PPP2R3B: variants seen among roughly 807,000 people sequenced by gnomAD.
PPP2R3B encodes the protein serine/threonine-protein phosphatase 2A regulatory subunit B'' subunit beta.
A neutral mutation model predicts 72.9 loss-of-function variants in PPP2R3B; 68 were observed. That is an observed-to-expected ratio of 0.93 (90% confidence interval 0.77 to 1.14). PPP2R3B has a LOEUF of 1.14. Ranked by LOEUF, PPP2R3B falls within the 50% of genes most tolerant of loss-of-function variation. PPP2R3B has a pLI of 0.00. For missense variants in PPP2R3B, 1,018 were observed against 842.0 expected, an observed-to-expected ratio of 1.21 and a Z score of -2.59; for synonymous variants, 466 against 375.8, an observed-to-expected ratio of 1.24 and a Z score of -2.78.
At chrX:346,823 C>CGTGAGGT (rs932880516) in intron 4 of PPP2R3B, 48 bp from the exon 5 acceptor site, 9 of 1,555,518 alleles carry the variant, frequency 5.8e-6, no homozygotes, top group Non-Finnish European at 7.9e-6. Flanking sequence ...CCGGCCCTCC[C>CGTGAGGT]GTGAGGTGTG....
At chrX:360,688 A>G (rs1033711290) in intron 2 of PPP2R3B, among the ~76,000 whole-genome samples, 6 of 152,084 alleles carry the variant, frequency 3.9e-5, no homozygotes, top group Non-Finnish European at 8.8e-5. Context: ...GAGGGGTGGG[A>G]GCATCCACTG....
intron 1 of PPP2R3B, among the ~76,000 whole-genome samples, chrX:371,638 G>A (rs2124346233): frequency 6.6e-6 from 1 of 152,242 alleles, no homozygotes; most frequent in East Asian, 1.9e-4. Context: ...GTACCGTGCT[G>A]CCCGGCCGGG....
intron 10 of PPP2R3B, 143 bp downstream of exon 10, chrX:340,622 T>TC: frequency 1.9e-6 from 1 of 515,814 alleles, no homozygotes; most frequent in South Asian, 2.3e-5. Flanking sequence ...TGGGCCGTCC[T>TC]CCCTCCCGTC....
At chrX:345,900 T>TG (rs1425347496) in intron 6 of PPP2R3B, among the ~76,000 whole-genome samples, 1 of 43,090 alleles carries the variant, frequency 2.3e-5, no homozygotes, top group Non-Finnish European at 4.6e-5. Context: ...GGGGCAGCTC[T>TG]GGGGGAGTCA....
chrX:346,608 C>T, intron 5 of PPP2R3B, 93 bp downstream of exon 5: 1 of 1,264,132 alleles, frequency 7.9e-7, no homozygotes, highest in Admixed American at 2.3e-5. Flanking sequence ...ACCCCGGGCC[C>T]CGCCCGCCCC....
chrX:384,286 A>G (rs192084447), intron 1 of PPP2R3B, among the ~76,000 whole-genome samples: 1 of 145,464 alleles, frequency 6.9e-6, no homozygotes, highest in East Asian at 2.0e-4. Flanking sequence ...CTCTCTCTAT[A>G]TATATATATA....
At chrX:375,149 T>C (rs112047658) in intron 1 of PPP2R3B, among the ~76,000 whole-genome samples, 3,019 of 152,110 alleles carry the variant, frequency 0.02, 110 homozygotes, top group African/African-American at 0.07. Flanking sequence ...CCAGCCATCC[T>C]CGGATCCCTC....
intron 1 of PPP2R3B, among the ~76,000 whole-genome samples, chrX:363,224 CCGCGATCCCACAG>C (rs2071580014): frequency 2.0e-5 from 3 of 152,150 alleles, no homozygotes; most frequent in East Asian, 1.9e-4. Flanking sequence ...CTCCCCGAGC[CCGCGATCCCACAG>C]TGCATCTCCC....
At chrX:373,265 G>C (rs938461234) in intron 1 of PPP2R3B, among the ~76,000 whole-genome samples, 1 of 152,240 alleles carries the variant, frequency 6.6e-6, no homozygotes, top group African/African-American at 2.4e-5. Context: ...GGAAAGGAGC[G>C]AGTGCTCTTT....
At chrX:381,593 CTTTT>C (rs950950107) in intron 1 of PPP2R3B, among the ~76,000 whole-genome samples, 3 of 95,056 alleles carry the variant, frequency 3.2e-5, no homozygotes, top group African/African-American at 1.3e-4. Context: ...ACAAGCTCAT[CTTTT>C]TTTTTTTTTT....
intron 1 of PPP2R3B, among the ~76,000 whole-genome samples, chrX:364,835 AT>A (rs2071668426): frequency 2.1e-5 from 1 of 47,386 alleles, no homozygotes; most frequent in Non-Finnish European, 3.5e-5. Flanking sequence ...GTGAGCTGAG[AT>A]CGCACCACTG....
chrX:368,963 C>T (rs1364824840), intron 1 of PPP2R3B, among the ~76,000 whole-genome samples: 13 of 152,242 alleles, frequency 8.5e-5, no homozygotes, highest in African/African-American at 3.1e-4. Context: ...ACAACCACCC[C>T]ATGCGGGCAC....
rs762016101 is a variant in PPP2R3B, at chrX:351,414, A to G, written c.511-3721T>C. 9.4e-4 allele frequency among the ~76,000 whole-genome samples: 143 copies of G among 152,314 alleles called. 2 individuals carry two copies. Among genetic ancestry groups the G allele is most frequent in the Admixed American group, 9.3e-3 (143 of 15,298 alleles). ...ACATCTGTGCTCCTCACCGCGTGCA[A>G]GACACACCGTCATGACCCGGTGGCA... On this transcript the variant is annotated intron_variant, in intron 2 of 12. Coordinates refer to ENST00000390665, the MANE Select transcript of PPP2R3B (RefSeq NM_013239.5).
chrX:370,039 C>T (rs1329325084), intron 1 of PPP2R3B, among the ~76,000 whole-genome samples: 1 of 152,204 alleles, frequency 6.6e-6, no homozygotes, highest in African/African-American at 2.4e-5. Context: ...CTCGGCCCAG[C>T]ACTTGACTCC....
Position 348,581 on chromosome X carries a change from A to AAAAAAAAAAAG in PPP2R3B, c.511-889_511-888insCTTTTTTTTTT, listed in dbSNP as rs111787156. Among the ~76,000 whole-genome samples the AAAAAAAAAAAG allele has an allele frequency of 1.8e-3, 260 of 144,416 alleles. 4 individuals carry two copies. The highest frequency in any genetic ancestry group is 3.5e-3 in the Middle Eastern group (1 of 282). The allele number at this position is 144,416 out of a possible 152,430, so 94.7% of individuals were successfully genotyped here. A position where few individuals can be genotyped will look rare whatever the true frequency, so the allele number is the denominator to read the frequency against. ...ACAGAGAGAGACTCTGTCTCAAAAA[A>AAAAAAAAAAAG]AGAGCAAATACAGATTAGCCATGTC... On this transcript the variant is annotated intron_variant, in intron 2 of 12. Coordinates refer to ENST00000390665, the MANE Select transcript of PPP2R3B (RefSeq NM_013239.5).
intron 1 of PPP2R3B, among the ~76,000 whole-genome samples, chrX:383,670 T>C (rs1267654439): frequency 6.6e-6 from 1 of 151,236 alleles, no homozygotes; most frequent in Admixed American, 6.6e-5. Context: ...ACCCCGTCTC[T>C]ACTAAAAATA....
At chrX:345,160 C>G in intron 7 of PPP2R3B, 1 of 534,102 alleles carries the variant, frequency 1.9e-6, no homozygotes, top group Non-Finnish European at 3.6e-6. Context: ...GGGCTGGAAC[C>G]TGGAGCTCCT....
At chrX:375,644 C>T (rs1415257223) in intron 1 of PPP2R3B, among the ~76,000 whole-genome samples, 1 of 152,248 alleles carries the variant, frequency 6.6e-6, no homozygotes, top group Non-Finnish European at 1.5e-5. Flanking sequence ...CCCTTCAGTT[C>T]ATATCAGCAC....
At chrX:384,466 T>A (rs1603149208) in intron 1 of PPP2R3B, among the ~76,000 whole-genome samples, 1 of 151,890 alleles carries the variant, frequency 6.6e-6, no homozygotes, top group African/African-American at 2.4e-5. Flanking sequence ...GGCTAATTTG[T>A]GTATTTTTAG....
Sources: allele counts gnomAD v4.1 joint callset (sites outside exome capture counted in the v4.1 genomes callset), GRCh38; gene constraint gnomAD v4.1.1; transcripts MANE v1.5; gene names NCBI Gene and HGNC (gene_info 2026-07-23, HGNC 2026-07-21).